Variants in UBE2K observed in about 807,000 individuals in gnomAD.
UBE2K encodes the protein ubiquitin-conjugating enzyme E2 K.
In UBE2K, 6 loss-of-function variants were observed where a neutral mutation model predicts 30.0. The ratio of observed to expected loss-of-function variants is 0.20; its 90% CI spans 0.11 to 0.39. UBE2K has a LOEUF of 0.39. UBE2K is among the 10% of genes least tolerant of loss of function. The probability of loss-of-function intolerance (pLI) is 1.00; values close to 1 mark genes in which losing one functional copy is unlikely to be tolerated. For synonymous variants in UBE2K, 86 were observed against 83.7 expected (o/e 1.03, Z -0.15); for missense variants, 61 against 241.6 (o/e 0.25, Z 4.96).
intron 1 of UBE2K, among the ~76,000 whole-genome samples, chr4:39,699,328 G>A (rs1717879547): frequency 6.6e-6 from 1 of 151,306 alleles, no homozygotes. Context: ...TTGAAAAGCA[G>A]ACCTATTAAA....
chr4:39,778,429 A>G lies in UBE2K; in HGVS notation c.598A>G (p.Asn200Asp). The G allele has an allele frequency of 6.2e-7, 1 of 1,609,496 alleles. No individual in the cohort carries two copies. Among genetic ancestry groups the G allele is most frequent in the Non-Finnish European group, 8.5e-7 (1 of 1,176,186 alleles). ...GACTGCAACAGAATTGCTTCTGAGT[A>G]ACTGAGGCATAGAGAGCTGCTGATA... ...VETATELLLSN is the reference protein window; with the variant it reads ...VETATELLLSD Residue 200 changes from asparagine to aspartate, a missense_variant, in exon 7 of 7, where the codon AAC (asparagine) becomes GAC (aspartate). By Grantham distance (23) the Asn-to-Asp change is conservative. Coordinates refer to ENST00000261427, the MANE Select transcript of UBE2K (RefSeq NM_005339.5).
chr4:39,726,513 T>C (rs1002626649), intron 1 of UBE2K, among the ~76,000 whole-genome samples: 10 of 114,736 alleles, frequency 8.7e-5, no homozygotes, highest in African/African-American at 3.1e-4. Context: ...GAGCCACCAC[T>C]CCTCCTGGCC....
chr4:39,749,960 A>G (rs1289024241), intron 3 of UBE2K, among the ~76,000 whole-genome samples: 1 of 152,202 alleles, frequency 6.6e-6, no homozygotes, highest in Admixed American at 6.5e-5. Flanking sequence ...GGACTCTGGG[A>G]GGCCGAGGTG....
intron 4 of UBE2K, chr4:39,770,996 T>C (rs937394497): frequency 3.0e-5 from 48 of 1,608,932 alleles, no homozygotes; most frequent in Non-Finnish European, 1.0e-5. Context: ...TTGTTGGCGC[T>C]GACGCTGCTC....
chr4:39,761,410 AAAGT>A (rs1209787743), intron 4 of UBE2K: 2 of 152,232 alleles, frequency 1.3e-5, no homozygotes, highest in African/African-American at 2.4e-5. Flanking sequence ...CCTTAACAGA[AAAGT>A]TAGTCAACGG....
chr4:39,727,736 G>C (rs1226702288), intron 1 of UBE2K, among the ~76,000 whole-genome samples: 1 of 151,640 alleles, frequency 6.6e-6, no homozygotes, highest in Non-Finnish European at 1.5e-5. Context: ...TCTAAAAGTT[G>C]AGTAAGTGTA....
chr4:39,760,198 A>AC (rs1711828897), intron 4 of UBE2K, among the ~76,000 whole-genome samples: 4 of 143,032 alleles, frequency 2.8e-5, no homozygotes, highest in East Asian at 4.0e-4. Flanking sequence ...AAAAACAGAA[A>AC]AAAAAAAAAA....
chr4:39,699,311 C>T (rs1457508333), intron 1 of UBE2K, among the ~76,000 whole-genome samples: 1 of 151,308 alleles, frequency 6.6e-6, no homozygotes, highest in Non-Finnish European at 1.5e-5. Context: ...TAACTTGATT[C>T]TTACTTTTGA....
intron 1 of UBE2K, chr4:39,713,906 CAG>C (rs1207462549): frequency 1.3e-5 from 2 of 151,460 alleles, no homozygotes; most frequent in Non-Finnish European, 2.9e-5. Context: ...TTTTTTAAGA[CAG>C]AGTCTTGCTC....
intron 4 of UBE2K, among the ~76,000 whole-genome samples, chr4:39,767,814 A>C (rs1712449142): frequency 6.6e-6 from 1 of 152,148 alleles, no homozygotes; most frequent in African/African-American, 2.4e-5. Context: ...CCTTTGAGTG[A>C]AAATTTTTCT....
At chr4:39,720,578 A>G (rs1331903923) in intron 1 of UBE2K, among the ~76,000 whole-genome samples, 4 of 152,186 alleles carry the variant, frequency 2.6e-5, no homozygotes, top group African/African-American at 4.8e-5. Flanking sequence ...GACCTATGGA[A>G]GTTGGGTATT....
At chr4:39,753,710 A>G (rs1360648318) in intron 3 of UBE2K, among the ~76,000 whole-genome samples, 1 of 152,244 alleles carries the variant, frequency 6.6e-6, no homozygotes, top group Non-Finnish European at 1.5e-5. Flanking sequence ...GAGAAAACAA[A>G]TATGTATGAA....
chr4:39,778,439 T>G lies in UBE2K; in HGVS notation c.*5T>G. On this transcript the variant is annotated 3_prime_UTR_variant, in exon 7 of 7. Coordinates refer to ENST00000261427, the MANE Select transcript of UBE2K (RefSeq NM_005339.5). ...GAATTGCTTCTGAGTAACTGAGGCA[T>G]AGAGAGCTGCTGATATAGTCAAGCT... 1 of 1,600,952 alleles carries G rather than the reference T, an allele frequency of 6.2e-7. No homozygotes were observed. The highest frequency in any genetic ancestry group is 8.6e-7 in the Non-Finnish European group (1 of 1,169,128).
At chr4:39,764,328 GACA>G (rs776573015) in intron 4 of UBE2K, among the ~76,000 whole-genome samples, 6 of 152,250 alleles carry the variant, frequency 3.9e-5, no homozygotes, top group South Asian at 4.1e-4. Context: ...GCAGAAAAGT[GACA>G]ACGTTTTCTC....
intron 3 of UBE2K, among the ~76,000 whole-genome samples, chr4:39,751,427 CTG>C (rs1721246221): frequency 6.6e-6 from 1 of 152,110 alleles, no homozygotes; most frequent in East Asian, 1.9e-4. Context: ...AATCCTAGCA[CTG>C]TGGGAGGCTG....
At position 39,698,172 on chromosome 4, in the gene UBE2K, C is replaced by T. The variant is rs893646986; in HGVS notation, c.-156C>T. The T allele has an allele frequency of 6.7e-5, 51 of 757,448 alleles. No homozygotes were observed. Among genetic ancestry groups the T allele is most frequent in the Admixed American group, 1.9e-4 (9 of 48,596 alleles). 46.9% of individuals were successfully genotyped at this position (757,448 alleles called of 1,614,324 possible). ...GGCCGGGCGCGGAGGTGATTCCACACTGAGGCGAGCGCGGCGGCCGGGGTG... is the reference window on the plus strand; with the variant it reads ...GGCCGGGCGCGGAGGTGATTCCACATTGAGGCGAGCGCGGCGGCCGGGGTG... On this transcript the variant is annotated 5_prime_UTR_variant, in exon 1 of 7. Coordinates refer to ENST00000261427, the MANE Select transcript of UBE2K (RefSeq NM_005339.5).
chr4:39,717,670 C>T lies in UBE2K; in HGVS notation c.63+19280C>T, dbSNP rs372718927. Among the ~76,000 whole-genome samples the T allele has an allele frequency of 1.5e-3, 230 of 152,276 alleles. 4 individuals carry two copies. In the South Asian group the frequency reaches 0.044, roughly 29 times the overall value. Reference sequence around the variant, plus strand: ...ACCTTTATACTGTTGTTCTTGTGTCCGGAATTGGTGGGTTCTTGGTCTCAC... The same window carrying T: ...ACCTTTATACTGTTGTTCTTGTGTCTGGAATTGGTGGGTTCTTGGTCTCAC... On this transcript the variant is annotated intron_variant, in intron 1 of 6. Transcript: ENST00000261427.
intron 4 of UBE2K, among the ~76,000 whole-genome samples, chr4:39,773,726 C>G (rs1198605310): frequency 2.0e-5 from 3 of 151,906 alleles, no homozygotes; most frequent in Admixed American, 2.0e-4. Flanking sequence ...TCGAGACCAT[C>G]CTGGCTAACA....
At chr4:39,712,569 A>G (rs1442671166) in intron 1 of UBE2K, among the ~76,000 whole-genome samples, 1 of 151,898 alleles carries the variant, frequency 6.6e-6, no homozygotes, top group African/African-American at 2.4e-5. Flanking sequence ...TTATAGACGC[A>G]TGCCACCACG....
Sources: allele counts gnomAD v4.1 joint callset (sites outside exome capture counted in the v4.1 genomes callset), GRCh38; gene constraint gnomAD v4.1.1; transcripts MANE v1.5; gene names NCBI Gene and HGNC (gene_info 2026-07-23, HGNC 2026-07-21).